PISD: variants seen among roughly 807,000 people sequenced by gnomAD.
PISD encodes phosphatidylserine decarboxylase.
PISD carries 31 observed loss-of-function variants against 43.5 expected under a neutral mutation model. The observed-to-expected ratio is 0.71, with a 90% CI of 0.54 to 0.96. The LOEUF (loss-of-function observed/expected upper bound fraction) is 0.96, where lower values mean the gene tolerates loss of function less well. Among genes scored for constraint, PISD ranks in the 40% least tolerant of loss-of-function variants. The probability of loss-of-function intolerance (pLI) is 0.00; values close to 1 mark genes in which losing one functional copy is unlikely to be tolerated. For synonymous variants in PISD, 259 were observed against 228.7 expected (o/e 1.13, Z -1.20); for missense variants, 523 against 548.4 (o/e 0.95, Z 0.46).
intron 3 of PISD, 31 bp from the exon 4 acceptor site, chr22:31,621,916 A>G: frequency 6.6e-7 from 1 of 1,511,278 alleles, no homozygotes; most frequent in Non-Finnish European, 9.1e-7. Context: ...GGCTGAGTTG[A>G]CCACACTGCC....
Position 31,621,203 on chromosome 22 carries a change from A to C in PISD, c.698-61T>G. 1.9e-6 allele frequency: 3 copies of C among 1,612,802 alleles called. No individual in the cohort carries two copies. The South Asian group carries it at 3.3e-5, about 18-fold the overall frequency. On this transcript the variant is annotated intron_variant, in intron 5 of 7. Transcript: ENST00000439502. Reference sequence around the variant, plus strand: ...CAGTGAGCACCCAGCACGGAGCCCGAGTGTGGTCTGCACATGGATTCTCAG... The same window carrying C: ...CAGTGAGCACCCAGCACGGAGCCCGCGTGTGGTCTGCACATGGATTCTCAG...
intron 3 of PISD, among the ~76,000 whole-genome samples, chr22:31,636,875 A>T (rs2073458172): frequency 6.6e-6 from 1 of 151,390 alleles, no homozygotes; most frequent in Admixed American, 6.6e-5. Flanking sequence ...ACGGGGTTTC[A>T]CCATGTTGGC....
chr22:31,628,924 G>A, intron 3 of PISD: 4 of 985,418 alleles, frequency 4.1e-6, no homozygotes, highest in Non-Finnish European at 4.8e-6. Context: ...GATGAAATAA[G>A]AGGGGCTTAG....
chr22:31,657,014 T>G (rs2074198545), intron 1 of PISD, among the ~76,000 whole-genome samples: 1 of 152,218 alleles, frequency 6.6e-6, no homozygotes, highest in Non-Finnish European at 1.5e-5. Flanking sequence ...TATATCTATG[T>G]GTTACATGAG....
At position 31,654,613 on chromosome 22, in the gene PISD, C is replaced by A. The variant is rs562815996; in HGVS notation, c.66-3835G>T. On this transcript the variant is annotated intron_variant, in intron 1 of 7. Transcript: ENST00000439502. Reference sequence around the variant, plus strand: ...CCAAATGCACTTCCTCTTCTGGACACCTGTTAGACTAAATTTCCCAGCCTC... The same window carrying A: ...CCAAATGCACTTCCTCTTCTGGACAACTGTTAGACTAAATTTCCCAGCCTC... 9.3e-4 allele frequency among the ~76,000 whole-genome samples: 141 copies of A among 152,294 alleles called. 2 individuals are homozygous for A. The highest frequency in any genetic ancestry group is 1.9e-3 in the South Asian group (9 of 4,828).
At position 31,619,626 on chromosome 22, in the gene PISD, G is replaced by C; in HGVS notation, c.1216C>G (p.Leu406Val). 2 of 1,613,816 alleles carry C rather than the reference G, an allele frequency of 1.2e-6. No individual in the cohort carries two copies. The highest frequency in any genetic ancestry group is 2.2e-5 in the South Asian group (2 of 91,076). The change falls in exon 8 of 8, where the codon CTG becomes GTG. Residue 406 changes from leucine (L) to valine (V), a missense_variant. Coordinates refer to ENST00000439502, the MANE Select transcript of PISD (RefSeq NM_001326411.2). ...GGAAAGAGACTCTAGAGCGAGCCCA[G>C]GGCTTCCCCAAAGCGGATTTTCTGT... ...TGQKIRFGEA[L>V]GSL
At chr22:31,634,774 G>C (rs989784446) in intron 3 of PISD, among the ~76,000 whole-genome samples, 1 of 135,282 alleles carries the variant, frequency 7.4e-6, no homozygotes, top group Non-Finnish European at 1.5e-5. Flanking sequence ...GGAAGCAGAG[G>C]TTGCAGTGAG....
rs1214973570 is a variant in PISD at position 31,640,880 on chromosome 22, GT to G, written c.321+7220del. Among the ~76,000 whole-genome samples the G allele has an allele frequency of 5.7e-4, 14 of 24,600 alleles. 1 individual carries two copies. The highest frequency in any genetic ancestry group is 1.7e-3 in the Admixed American group (2 of 1,180). 16.1% of individuals were successfully genotyped at this position (24,600 alleles called of 152,430 possible). On this transcript the variant is annotated intron_variant, in intron 3 of 7. Transcript: ENST00000439502. ...ACAGGCATGAGCCACCACACCCGGT[GT>G]TTTTTTTTTTTTTTTTTTTTTTTGA...
In PISD at chr22:31,623,814, A is replaced by C. The variant is rs772273910; in HGVS notation, c.322-1929T>G. ...TCTGGACATGCAGCTCAGCTGCCCC[A>C]GCCTCCGCCTCAGGGCCAGCTGGGG... On this transcript the variant is annotated intron_variant, in intron 3 of 7. Coordinates refer to ENST00000439502, the MANE Select transcript of PISD (RefSeq NM_001326411.2). 718 of 1,613,940 alleles carry C rather than the reference A, an allele frequency of 4.4e-4. No homozygotes were observed. The highest frequency in any genetic ancestry group is 5.7e-4 in the Non-Finnish European group (678 of 1,179,930).
At chr22:31,624,090 G>A (rs1396067637) in intron 3 of PISD, among the ~76,000 whole-genome samples, 1 of 152,174 alleles carries the variant, frequency 6.6e-6, no homozygotes, top group South Asian at 2.1e-4. Context: ...TCTCCCACCC[G>A]CCAGCCAGCT....
chr22:31,648,086 C>T lies in PISD; in HGVS notation c.321+15G>A. On this transcript the variant is annotated intron_variant, in intron 3 of 7. Transcript: ENST00000439502. ...TGCTGGACGAGAACCCAAGGCAGTT[C>T]CACCTCATTCCTACCTCCCAGTGAC... 1 of 1,605,104 alleles carries T rather than the reference C, an allele frequency of 6.2e-7. No homozygotes were observed. Among genetic ancestry groups the T allele is most frequent in the South Asian group, 1.1e-5 (1 of 90,290 alleles).
At chr22:31,628,064 T>C (rs2073005007) in intron 3 of PISD, 1 of 985,348 alleles carries the variant, frequency 1.0e-6, no homozygotes, top group African/African-American at 1.7e-5. Context: ...TCTTTATCAC[T>C]GTTCTGCCTC....
At chr22:31,621,942 C>T (rs2072607537) in intron 3 of PISD, 57 bp from the exon 4 acceptor site, 2 of 1,306,150 alleles carry the variant, frequency 1.5e-6, no homozygotes, top group Non-Finnish European at 1.1e-6. Flanking sequence ...TCCAGAGAGC[C>T]CAAGTAGTGT....
intron 3 of PISD, 49 bp from the exon 4 acceptor site, chr22:31,621,934 C>G (rs766603764): frequency 1.4e-6 from 2 of 1,391,014 alleles, no homozygotes; most frequent in Non-Finnish European, 1.0e-6. Flanking sequence ...GCCCCAGCTC[C>G]AGAGAGCCCA....
At chr22:31,656,469 T>C (rs1032539012) in intron 1 of PISD, among the ~76,000 whole-genome samples, 2 of 151,854 alleles carry the variant, frequency 1.3e-5, no homozygotes, top group African/African-American at 4.8e-5. Flanking sequence ...ACCAACATGG[T>C]GAAACTCCAT....
intron 3 of PISD, chr22:31,626,046 C>T: frequency 2.1e-6 from 3 of 1,425,600 alleles, no homozygotes; most frequent in Non-Finnish European, 2.7e-6. Flanking sequence ...ACTGGTCACA[C>T]ACCTGCTCAG....
chr22:31,627,661 G>T (rs1001657937), intron 3 of PISD, among the ~76,000 whole-genome samples: 1 of 152,246 alleles, frequency 6.6e-6, no homozygotes, highest in Non-Finnish European at 1.5e-5. Flanking sequence ...GAGGCAGAGA[G>T]GAGGGGCCTT....
intron 1 of PISD, among the ~76,000 whole-genome samples, chr22:31,652,009 T>C (rs768614529): frequency 1.3e-5 from 2 of 152,222 alleles, no homozygotes; most frequent in African/African-American, 4.8e-5. Flanking sequence ...ATTTTTTTCC[T>C]TGGAACCCTT....
chr22:31,645,789 G>A (rs1478899904), intron 3 of PISD, among the ~76,000 whole-genome samples: 4 of 148,566 alleles, frequency 2.7e-5, no homozygotes, highest in Admixed American at 6.7e-5. Context: ...CCGGGGAGGC[G>A]GAGGTTGCAG....
Sources: allele counts gnomAD v4.1 joint callset (sites outside exome capture counted in the v4.1 genomes callset), GRCh38; gene constraint gnomAD v4.1.1; transcripts MANE v1.5; gene names NCBI Gene and HGNC (gene_info 2026-07-23, HGNC 2026-07-21).